The following SPAG17 variants were observed in gnomAD, a reference collection of about 807,000 sequenced individuals.
SPAG17 encodes sperm-associated antigen 17.
A neutral mutation model predicts 273.6 loss-of-function variants in SPAG17; 169 were observed. That is an observed-to-expected ratio of 0.62 (90% CI 0.55 to 0.70). The LOEUF (loss-of-function observed/expected upper bound fraction) is 0.70. Among genes scored for constraint, SPAG17 ranks in the 30% least tolerant of loss-of-function variants. The probability of loss-of-function intolerance (pLI) is 0.00; values close to 1 mark genes in which losing one functional copy is unlikely to be tolerated. For missense variants in SPAG17, 2,557 were observed against 2,627.8 expected, an observed-to-expected ratio of 0.97 and a Z score of 0.59; for synonymous variants, 825 against 873.2, an observed-to-expected ratio of 0.94 and a Z score of 0.97.
chr1:117,957,169 T>G (rs199890965), intron 48 of SPAG17: 3 of 1,612,364 alleles, frequency 1.9e-6, no homozygotes, highest in Non-Finnish European at 1.7e-6. Flanking sequence ...GTTGAACTTA[T>G]ATGCCGGTGC....
intron 4 of SPAG17, among the ~76,000 whole-genome samples, chr1:118,103,998 G>C (rs574282155): frequency 1.8e-4 from 27 of 152,238 alleles, no homozygotes; most frequent in African/African-American, 6.5e-4. Flanking sequence ...CATGGGCCAG[G>C]CCATCCAGGG....
chr1:118,063,065 G>C (rs575064214), intron 18 of SPAG17, among the ~76,000 whole-genome samples: 70 of 152,130 alleles, frequency 4.6e-4, no homozygotes, highest in African/African-American at 8.0e-4. Context: ...CTACAAACCA[G>C]TGCTCAATGA....
intron 10 of SPAG17, among the ~76,000 whole-genome samples, chr1:118,089,354 T>TGTGTGTGTGTGA (rs1207965049): frequency 2.7e-5 from 4 of 150,626 alleles, no homozygotes; most frequent in East Asian, 2.0e-4. Flanking sequence ...TGTGTGTGTG[T>TGTGTGTGTGTGA]GGTGGCAGGT....
chr1:118,127,720 T>C (rs1364697669), intron 3 of SPAG17, among the ~76,000 whole-genome samples: 2 of 152,250 alleles, frequency 1.3e-5, no homozygotes, highest in Non-Finnish European at 2.9e-5. Context: ...AGATTCATTC[T>C]TCCAATCCAT....
chr1:117,957,154 C>G (rs1221031315), intron 48 of SPAG17: 3 of 1,612,714 alleles, frequency 1.9e-6, no homozygotes, highest in Non-Finnish European at 2.5e-6. Flanking sequence ...CAGCTGGGCT[C>G]TGATGTTGAA....
chr1:117,999,130 T>G (rs758276214), intron 32 of SPAG17, among the ~76,000 whole-genome samples: 1 of 152,216 alleles, frequency 6.6e-6, no homozygotes, highest in African/African-American at 2.4e-5. Flanking sequence ...GTTTCCAGTT[T>G]CATCCATGTC....
Position 117,972,445 on chromosome 1 carries a change from G to A in SPAG17, c.6142-398C>T, listed in dbSNP as rs576445641. 1.3e-4 allele frequency among the ~76,000 whole-genome samples: 20 copies of A among 152,312 alleles called. No homozygotes were observed. In the South Asian group the frequency reaches 2.1e-3, roughly 16 times the overall value. On this transcript the variant is annotated intron_variant, in intron 44 of 48. Coordinates refer to ENST00000336338, the MANE Select transcript of SPAG17 (RefSeq NM_206996.4). Reference sequence around the variant, plus strand: ...CCCAGAGTTTTTCATTCTGTTGGTCGGGGGCAGGGCCCAAGAATTTGCATT... The same window carrying A: ...CCCAGAGTTTTTCATTCTGTTGGTCAGGGGCAGGGCCCAAGAATTTGCATT...
Position 118,111,935 on chromosome 1 carries a change from C to T in SPAG17, c.447+3375G>A, listed in dbSNP as rs1158271155. On this transcript the variant is annotated intron_variant, in intron 4 of 48. Transcript: ENST00000336338. ...ATAGAAAAGATATGCTTTCTAAAAA[C>T]ATCTAAGGAAATATGGACGACTTAT... is the stretch of plus-strand genomic sequence containing the variant. Among the ~76,000 whole-genome samples the T allele has an allele frequency of 2.0e-5, 3 of 152,154 alleles. No homozygotes were observed. In the East Asian group the frequency reaches 5.8e-4, roughly 29 times the overall value.
At chr1:118,141,688 G>T (rs887959021) in intron 3 of SPAG17, among the ~76,000 whole-genome samples, 9 of 152,270 alleles carry the variant, frequency 5.9e-5, no homozygotes, top group Admixed American at 5.9e-4. Context: ...TTGCACTATG[G>T]AGATTAATTT....
chr1:118,091,748 A>C, intron 9 of SPAG17, 30 bp from the exon 10 acceptor site: 2 of 1,458,480 alleles, frequency 1.4e-6, no homozygotes, highest in Non-Finnish European at 1.9e-6. Flanking sequence ...CCATTGCCCA[A>C]TTAAGTTGTG....
chr1:117,982,971 A>G (rs1656003288), intron 42 of SPAG17, among the ~76,000 whole-genome samples: 1 of 152,178 alleles, frequency 6.6e-6, no homozygotes, highest in African/African-American at 2.4e-5. Context: ...ATTCTGGATA[A>G]GGATTTTTGG....
At chr1:118,170,779 C>A (rs56384375) in intron 1 of SPAG17, among the ~76,000 whole-genome samples, 6,972 of 152,174 alleles carry the variant, frequency 0.046, 209 homozygotes, top group Non-Finnish European at 0.072. Context: ...TCTCCAGGAG[C>A]TCATTGCCTC....
chr1:118,025,498 T>C, intron 26 of SPAG17, 82 bp from the exon 27 acceptor site: 1 of 1,038,146 alleles, frequency 9.6e-7, no homozygotes, highest in Non-Finnish European at 1.3e-6. Flanking sequence ...TATTTTCTTT[T>C]TCTTTTCTTT....
At chr1:118,082,920 A>C (rs2102152773) in intron 13 of SPAG17, among the ~76,000 whole-genome samples, 1 of 152,318 alleles carries the variant, frequency 6.6e-6, no homozygotes, top group Non-Finnish European at 1.5e-5. Context: ...CAGTGAGGCC[A>C]GTGTAGATGA....
intron 7 of SPAG17, among the ~76,000 whole-genome samples, chr1:118,094,528 A>C (rs1344396494): frequency 1.3e-5 from 2 of 152,212 alleles, no homozygotes; most frequent in African/African-American, 4.8e-5. Context: ...GCTTTCCGCC[A>C]ATCAAAGGGG....
chr1:118,172,791 T>G (rs1660480090), intron 1 of SPAG17, among the ~76,000 whole-genome samples: 1 of 152,186 alleles, frequency 6.6e-6, no homozygotes, highest in South Asian at 2.1e-4. Context: ...GATTTTTTTT[T>G]CTTGTGTTGG....
In SPAG17 at chr1:118,090,463, GCAAA is replaced by G. The variant is rs765189522; in HGVS notation, c.1359+1139_1359+1142del. ...TTGAATACACTGAAAGCATCAGGAT[GCAAA>G]CAAAGAAACACTCGAAAAGAAATGT... On this transcript the variant is annotated intron_variant, in intron 10 of 48. Transcript: ENST00000336338. Among the ~76,000 whole-genome samples the G allele has an allele frequency of 3.9e-5, 6 of 152,098 alleles. No individual in the cohort carries two copies. The East Asian group carries it at 7.7e-4, about 20-fold the overall frequency.
intron 29 of SPAG17, among the ~76,000 whole-genome samples, chr1:118,015,548 T>C (rs1659873199): frequency 6.6e-6 from 1 of 152,124 alleles, no homozygotes; most frequent in Admixed American, 6.5e-5. Context: ...CACAAATAAG[T>C]AGTAATGAGA....
intron 29 of SPAG17, among the ~76,000 whole-genome samples, chr1:118,013,804 C>A (rs911740336): frequency 6.6e-6 from 1 of 152,070 alleles, no homozygotes; most frequent in African/African-American, 2.4e-5. Context: ...TTAGTGGTGG[C>A]AATAACACAG....
Sources: gnomAD v4.1 joint callset for allele counts (sites outside exome capture counted in the v4.1 genomes callset) on GRCh38, gnomAD v4.1.1 for gene constraint, MANE v1.5 for transcripts, NCBI Gene and HGNC (gene_info 2026-07-23, HGNC 2026-07-21) for gene names.